The following TCERG1L variants were observed in gnomAD, a reference collection of about 807,000 sequenced individuals.
TCERG1L encodes transcription elongation regulator 1-like protein.
In TCERG1L, 37 loss-of-function variants were observed where a neutral mutation model predicts 56.3. The ratio of observed to expected loss-of-function variants is 0.66; its 90% CI spans 0.51 to 0.87. TCERG1L has a LOEUF of 0.87. Among genes scored for constraint, TCERG1L ranks in the 40% least tolerant of loss-of-function variants. The pLI, the probability that TCERG1L is intolerant of heterozygous loss-of-function variation, is 0.00. For synonymous variants in TCERG1L, 324 were observed against 326.3 expected, an observed-to-expected ratio of 0.99 and a Z score of 0.08; for missense variants, 799 against 774.2, an observed-to-expected ratio of 1.03 and a Z score of -0.38.
intron 6 of TCERG1L, among the ~76,000 whole-genome samples, chr10:131,157,505 C>T (rs1480375497): frequency 2.0e-5 from 3 of 151,920 alleles, no homozygotes; most frequent in Non-Finnish European, 4.4e-5. Context: ...CCCATGTCAT[C>T]AACTCTCCAA....
rs916425844 is a variant in TCERG1L at position 131,112,899 on chromosome 10, C to T, written c.1395+3900G>A. ...TCACCTACTGACCCCCGTCCCTCCT[C>T]GGTTGAGGGTCGCCCTTGGGGTGTT... On this transcript the variant is annotated intron_variant, in intron 9 of 11. Transcript: ENST00000368642. Among the ~76,000 whole-genome samples, 6 of 142,344 alleles carry T rather than the reference C, an allele frequency of 4.2e-5. 1 individual carries two copies. The highest frequency in any genetic ancestry group is 1.5e-4 in the African/African-American group (6 of 40,410). 93.4% of individuals were successfully genotyped at this position (142,344 alleles called of 152,430 possible).
intron 4 of TCERG1L, among the ~76,000 whole-genome samples, chr10:131,183,535 C>T (rs1007575602): frequency 1.2e-4 from 18 of 152,312 alleles, no homozygotes; most frequent in African/African-American, 4.1e-4. Flanking sequence ...TGGCCCCTCA[C>T]CCTCTGTAGG....
chr10:131,241,589 G>A (rs533477707), intron 4 of TCERG1L, among the ~76,000 whole-genome samples: 2 of 151,510 alleles, frequency 1.3e-5, no homozygotes, highest in Non-Finnish European at 1.5e-5. Context: ...AGTGGATAGC[G>A]CAATATAAAA....
intron 4 of TCERG1L, among the ~76,000 whole-genome samples, chr10:131,227,571 G>A (rs142935683): frequency 2.0e-5 from 3 of 152,282 alleles, no homozygotes; most frequent in East Asian, 3.9e-4. Flanking sequence ...GGAAAGGACC[G>A]CCCAGCCCAT....
At chr10:131,126,943 G>C (rs1259467218) in intron 8 of TCERG1L, among the ~76,000 whole-genome samples, 3 of 152,140 alleles carry the variant, frequency 2.0e-5, no homozygotes, top group Admixed American at 1.3e-4. Flanking sequence ...TGAGAATTTG[G>C]GGCATAGCTG....
intron 9 of TCERG1L, among the ~76,000 whole-genome samples, chr10:131,112,176 C>T (rs1231289584): frequency 7.0e-6 from 1 of 143,050 alleles, no homozygotes; most frequent in African/African-American, 2.5e-5. Context: ...CTCCCTGGGG[C>T]CTGAGCCCAG....
intron 4 of TCERG1L, among the ~76,000 whole-genome samples, chr10:131,209,253 C>T (rs1845588781): frequency 6.6e-6 from 1 of 150,702 alleles, no homozygotes; most frequent in Non-Finnish European, 1.5e-5. Flanking sequence ...AAACACCTGT[C>T]GTCCCAAGCA....
intron 7 of TCERG1L, among the ~76,000 whole-genome samples, chr10:131,135,860 C>T (rs1233337418): frequency 6.6e-6 from 1 of 152,256 alleles, no homozygotes. Flanking sequence ...ATGGGCAGTG[C>T]AGAGCGGGGG....
intron 4 of TCERG1L, among the ~76,000 whole-genome samples, chr10:131,239,546 G>A (rs1048541322): frequency 2.6e-5 from 4 of 152,192 alleles, no homozygotes; most frequent in African/African-American, 7.2e-5. Context: ...CACGCTGCAC[G>A]CTCCAGGTGT....
chr10:131,295,463 G>A (rs1056299153), intron 3 of TCERG1L, among the ~76,000 whole-genome samples: 3 of 152,192 alleles, frequency 2.0e-5, no homozygotes, highest in African/African-American at 7.2e-5. Context: ...GTATTGCCAG[G>A]TTCTGTCTTT....
intron 4 of TCERG1L, among the ~76,000 whole-genome samples, chr10:131,182,244 G>A (rs12250808): frequency 9.9e-4 from 151 of 152,290 alleles, no homozygotes; most frequent in African/African-American, 3.3e-3. Context: ...GTGTTCTCTT[G>A]CCTCCGTAAA....
At chr10:131,248,659 C>A (rs1029823779) in intron 4 of TCERG1L, among the ~76,000 whole-genome samples, 2 of 152,192 alleles carry the variant, frequency 1.3e-5, no homozygotes, top group South Asian at 2.1e-4. Context: ...GGAATGAGAG[C>A]CCCCGTGCTG....
chr10:131,108,907 G>A (rs1380413318), intron 9 of TCERG1L, among the ~76,000 whole-genome samples: 2 of 152,226 alleles, frequency 1.3e-5, no homozygotes, highest in African/African-American at 4.8e-5. Flanking sequence ...GCAGGTCCTT[G>A]CCCCAGGGCC....
chr10:131,111,421 G>A (rs1383176782), intron 9 of TCERG1L, among the ~76,000 whole-genome samples: 3 of 142,870 alleles, frequency 2.1e-5, no homozygotes, highest in Non-Finnish European at 4.7e-5. Flanking sequence ...CGAAAGTCCT[G>A]GAAGCTAATG....
chr10:131,136,474 G>T (rs1845676313), intron 7 of TCERG1L, among the ~76,000 whole-genome samples: 1 of 152,010 alleles, frequency 6.6e-6, no homozygotes, highest in African/African-American at 2.4e-5. Context: ...CCAGGGAGGG[G>T]TGGCCCCCAG....
chr10:131,173,364 G>A (rs556543180), intron 4 of TCERG1L, among the ~76,000 whole-genome samples: 67 of 152,288 alleles, frequency 4.4e-4, no homozygotes, highest in African/African-American at 6.5e-4. Flanking sequence ...CAAATTATCC[G>A]TCAATTTAAC....
At position 131,176,701 on chromosome 10, in the gene TCERG1L, C is replaced by A. The variant is rs533332476; in HGVS notation, c.857-9816G>T. Reference sequence around the variant, plus strand: ...ACACCAAGAAACATGCACACACAGACACGTGTACACCCACAGAGATAGGCA... The same window carrying A: ...ACACCAAGAAACATGCACACACAGAAACGTGTACACCCACAGAGATAGGCA... On this transcript the variant is annotated intron_variant, in intron 4 of 11. Transcript: ENST00000368642. Among the ~76,000 whole-genome samples the A allele has an allele frequency of 2.0e-4, 23 of 113,108 alleles. No individual in the cohort carries two copies. In the South Asian group the frequency reaches 5.4e-3, roughly 27 times the overall value. The allele number at this position is 113,108 out of a possible 152,430, so 74.2% of individuals were successfully genotyped here. A position where few individuals can be genotyped will look rare whatever the true frequency, so the allele number is the denominator to read the frequency against.
At chr10:131,182,752 TAA>T in intron 4 of TCERG1L, among the ~76,000 whole-genome samples, 1 of 110,094 alleles carries the variant, frequency 9.1e-6, no homozygotes, top group African/African-American at 4.0e-5. Flanking sequence ...AGTGCTCACC[TAA>T]CTGATTTATT....
chr10:131,265,024 A>T (rs1937707198), intron 3 of TCERG1L, among the ~76,000 whole-genome samples: 1 of 152,174 alleles, frequency 6.6e-6, no homozygotes, highest in African/African-American at 2.4e-5. Context: ...CTTAATTAAG[A>T]AGACAGGACC....
Sources: allele counts gnomAD v4.1 joint callset (sites outside exome capture counted in the v4.1 genomes callset), GRCh38; gene constraint gnomAD v4.1.1; transcripts MANE v1.5; gene names NCBI Gene and HGNC (gene_info 2026-07-23, HGNC 2026-07-21).